The following ST8SIA1 variants were observed in gnomAD, a reference collection of about 807,000 sequenced individuals.
ST8SIA1 encodes the protein ST8 alpha-N-acetyl-neuraminide alpha-2,8-sialyltransferase 1.
ST8SIA1 carries 16 observed loss-of-function variants against 35.9 expected under a neutral mutation model. That is an observed-to-expected ratio of 0.45 (90% confidence interval 0.30 to 0.68). The LOEUF is 0.68. Ranked by LOEUF, ST8SIA1 falls within the 30% of genes least tolerant of loss-of-function variation. ST8SIA1 has a pLI of 0.09. For missense variants in ST8SIA1, 383 were observed against 453.6 expected, an observed-to-expected ratio of 0.84 and a Z score of 1.41; for synonymous variants, 170 against 169.6, an observed-to-expected ratio of 1.00 and a Z score of -0.02.
chr12:22,219,664 T>C (rs1156487690), intron 4 of ST8SIA1, among the ~76,000 whole-genome samples: 2 of 152,142 alleles, frequency 1.3e-5, no homozygotes, highest in East Asian at 3.9e-4. Context: ...CATGAACAAA[T>C]CATTTACAGG....
At chr12:22,331,986 T>C (rs908746885) in intron 1 of ST8SIA1, among the ~76,000 whole-genome samples, 1 of 152,190 alleles carries the variant, frequency 6.6e-6, no homozygotes, top group African/African-American at 2.4e-5. Flanking sequence ...TTCTAACAAC[T>C]CTGCAATGTA....
chr12:22,250,154 C>T (rs1865653420), intron 3 of ST8SIA1, among the ~76,000 whole-genome samples: 1 of 152,166 alleles, frequency 6.6e-6, no homozygotes, highest in African/African-American at 2.4e-5. Context: ...GCCACCATGT[C>T]TTATGAATGC....
At chr12:22,309,766 T>C (rs1866427929) in intron 1 of ST8SIA1, among the ~76,000 whole-genome samples, 1 of 152,164 alleles carries the variant, frequency 6.6e-6, no homozygotes, top group South Asian at 2.1e-4. Flanking sequence ...ATTCTTTAGT[T>C]GGCAGTAGAA....
chr12:22,329,398 A>C (rs1591860521), intron 1 of ST8SIA1, among the ~76,000 whole-genome samples: 1 of 152,230 alleles, frequency 6.6e-6, no homozygotes, highest in East Asian at 1.9e-4. Context: ...GGTATATTTT[A>C]CGTATCCAGT....
chr12:22,231,581 AT>A (rs1197889290), intron 4 of ST8SIA1, among the ~76,000 whole-genome samples: 9 of 149,166 alleles, frequency 6.0e-5, no homozygotes, highest in African/African-American at 4.9e-5. Context: ...TTTGTTTATT[AT>A]TTTTTTTTTG....
At chr12:22,295,583 A>G (rs530576230) in intron 1 of ST8SIA1, among the ~76,000 whole-genome samples, 1 of 152,016 alleles carries the variant, frequency 6.6e-6, no homozygotes, top group East Asian at 1.9e-4. Flanking sequence ...AAAAATTTTT[A>G]ATTAGCCTGA....
At chr12:22,286,516 A>T in intron 2 of ST8SIA1, 1 of 518,528 alleles carries the variant, frequency 1.9e-6, no homozygotes, top group South Asian at 1.4e-5. Flanking sequence ...CCTCCCCAAA[A>T]CTAGGGTTCC....
intron 4 of ST8SIA1, among the ~76,000 whole-genome samples, chr12:22,208,135 CAAA>C (rs71053390): frequency 9.2e-5 from 9 of 97,832 alleles, no homozygotes; most frequent in African/African-American, 1.2e-4. Context: ...GTCTGTCTCA[CAAA>C]AAAAAAAAAA....
chr12:22,247,083 CCTCAT>C (rs1865613371), intron 4 of ST8SIA1, among the ~76,000 whole-genome samples: 1 of 149,192 alleles, frequency 6.7e-6, no homozygotes, highest in Non-Finnish European at 1.5e-5. Context: ...TCCCTCCCTC[CCTCAT>C]CTCCTTCCCT....
In ST8SIA1 at chr12:22,313,286, A is replaced by G. The variant is rs1178592289; in HGVS notation, c.236+20711T>C. Among the ~76,000 whole-genome samples, 3 of 152,218 alleles carry G rather than the reference A, an allele frequency of 2.0e-5. No individual in the cohort carries two copies. In the East Asian group the frequency reaches 5.8e-4, roughly 29 times the overall value. On this transcript the variant is annotated intron_variant, in intron 1 of 4. Coordinates refer to ENST00000396037, the MANE Select transcript of ST8SIA1 (RefSeq NM_003034.4). The stretch of plus-strand genomic sequence containing the variant: ...TCTCAACCACTTAGGCATTAGCAGC[A>G]GTAGTATTATTTAAGTTCATTTTTT...
At chr12:22,260,761 G>A (rs1865780552) in intron 2 of ST8SIA1, among the ~76,000 whole-genome samples, 1 of 151,528 alleles carries the variant, frequency 6.6e-6, no homozygotes, top group African/African-American at 2.4e-5. Flanking sequence ...TCATTATTAT[G>A]TACTAACAAA....
chr12:22,224,320 T>A (rs889809486), intron 4 of ST8SIA1, among the ~76,000 whole-genome samples: 1 of 151,106 alleles, frequency 6.6e-6, no homozygotes, highest in African/African-American at 2.4e-5. Flanking sequence ...TTTATACTTT[T>A]TTTTTTTTTA....
chr12:22,248,113 G>A (rs1471039826), intron 4 of ST8SIA1, among the ~76,000 whole-genome samples: 1 of 152,140 alleles, frequency 6.6e-6, no homozygotes, highest in Non-Finnish European at 1.5e-5. Flanking sequence ...AAAGCTGATT[G>A]CATTTCTAGA....
intron 4 of ST8SIA1, among the ~76,000 whole-genome samples, chr12:22,245,202 A>C (rs1300443245): frequency 6.6e-6 from 1 of 152,208 alleles, no homozygotes; most frequent in African/African-American, 2.4e-5. Flanking sequence ...ATTTCAATGA[A>C]TCTGTAGATA....
In ST8SIA1 at chr12:22,200,400, TTGTG is replaced by T. The variant is rs369633771; in HGVS notation, c.*1148_*1151del. 7 of 152,280 alleles carry T rather than the reference TTGTG, an allele frequency of 4.6e-5. No homozygotes were observed. Among genetic ancestry groups the T allele is most frequent in the South Asian group, 2.1e-4 (1 of 4,822 alleles). 9.4% of individuals were successfully genotyped at this position (152,280 alleles called of 1,614,324 possible). A position where few individuals can be genotyped will look rare whatever the true frequency, so the allele number is the denominator to read the frequency against. On this transcript the variant is annotated 3_prime_UTR_variant, in exon 5 of 5. Coordinates refer to ENST00000396037, the MANE Select transcript of ST8SIA1 (RefSeq NM_003034.4). ...GCACAGTAATGAGCTTTGTTTAACT[TTGTG>T]TGTGTGTATGTGTGTCTACATGTAT...
chr12:22,262,877 A>C (rs945363669), intron 2 of ST8SIA1, among the ~76,000 whole-genome samples: 1 of 152,254 alleles, frequency 6.6e-6, no homozygotes, highest in African/African-American at 2.4e-5. Flanking sequence ...AAACCACTAA[A>C]GGGCAGAACA....
At chr12:22,300,106 C>A (rs1866300532) in intron 1 of ST8SIA1, among the ~76,000 whole-genome samples, 1 of 152,096 alleles carries the variant, frequency 6.6e-6, no homozygotes, top group Non-Finnish European at 1.5e-5. Flanking sequence ...GTTATTACAT[C>A]TGTGTATCTT....
Position 22,195,791 on chromosome 12 carries a change from C to T in ST8SIA1, c.*5761G>A, listed in dbSNP as rs887492872. ...TCTCTTTTTTTCAGTTTGGTTAAAC[C>T]TTTTTTTATTACAATTTTCTGTTCG... On this transcript the variant is annotated 3_prime_UTR_variant, in exon 5 of 5. Transcript: ENST00000396037. 13 of 152,038 alleles carry T rather than the reference C, an allele frequency of 8.6e-5. No individual in the cohort carries two copies. The highest frequency in any genetic ancestry group is 2.4e-4 in the African/African-American group (10 of 41,398). The allele number at this position is 152,038 out of a possible 1,614,324, so 9.4% of individuals were successfully genotyped here.
chr12:22,318,426 A>G (rs542669251), intron 1 of ST8SIA1, among the ~76,000 whole-genome samples: 1 of 152,356 alleles, frequency 6.6e-6, no homozygotes, highest in South Asian at 2.1e-4. Context: ...CCTCTTACAG[A>G]TAAAAGGGGG....
Sources: gnomAD v4.1 joint callset for allele counts (sites outside exome capture counted in the v4.1 genomes callset) on GRCh38, gnomAD v4.1.1 for gene constraint, MANE v1.5 for transcripts, NCBI Gene and HGNC (gene_info 2026-07-23, HGNC 2026-07-21) for gene names.